Variants in FHIT observed in about 807,000 individuals in gnomAD.
The protein encoded by FHIT is bis(5'-adenosyl)-triphosphatase.
FHIT carries 19 observed loss-of-function variants against 17.9 expected under a neutral mutation model. That is an observed-to-expected ratio of 1.06 (90% CI 0.74 to 1.56). The LOEUF is 1.56. FHIT is among the 40% of genes most tolerant of loss of function. The pLI is 0.00. For missense variants in FHIT, 248 were observed against 189.2 expected (o/e 1.31, Z -1.82); for synonymous variants, 81 against 69.7 (o/e 1.16, Z -0.81).
At chr3:61,151,335 G>T (rs1194179437) in intron 2 of FHIT, among the ~76,000 whole-genome samples, 1 of 152,172 alleles carries the variant, frequency 6.6e-6, no homozygotes, top group Non-Finnish European at 1.5e-5. Flanking sequence ...ACCCTTTTAA[G>T]TAAGTCCCAC....
chr3:60,463,718 C>CA (rs1174544323), intron 5 of FHIT, among the ~76,000 whole-genome samples: 2 of 152,054 alleles, frequency 1.3e-5, no homozygotes, highest in African/African-American at 4.8e-5. Flanking sequence ...GGTTTCCAAT[C>CA]AAAAAAACTT....
chr3:60,350,274 A>G (rs753067675), intron 5 of FHIT, among the ~76,000 whole-genome samples: 3 of 152,134 alleles, frequency 2.0e-5, no homozygotes, highest in Non-Finnish European at 4.4e-5. Context: ...GTAATAGTGT[A>G]CATGTGTACT....
At chr3:61,216,236 C>T (rs1157398736) in intron 1 of FHIT, among the ~76,000 whole-genome samples, 42 of 152,136 alleles carry the variant, frequency 2.8e-4, no homozygotes, top group Admixed American at 2.7e-3. Context: ...ATGTTTGCAA[C>T]CTACTCATTT....
chr3:60,520,428 T>C (rs1466091858), intron 5 of FHIT, among the ~76,000 whole-genome samples: 1 of 152,182 alleles, frequency 6.6e-6, no homozygotes, highest in Non-Finnish European at 1.5e-5. Flanking sequence ...GTACGGATTA[T>C]ATCAGGAGGC....
intron 5 of FHIT, among the ~76,000 whole-genome samples, chr3:60,117,995 T>C (rs1705054671): frequency 6.6e-6 from 1 of 152,198 alleles, no homozygotes; most frequent in Non-Finnish European, 1.5e-5. Flanking sequence ...CTGACCTCCA[T>C]TCTTGCAAAA....
At chr3:60,628,104 A>G (rs2039341351) in intron 4 of FHIT, among the ~76,000 whole-genome samples, 1 of 152,178 alleles carries the variant, frequency 6.6e-6, no homozygotes, top group Non-Finnish European at 1.5e-5. Context: ...TTTCCCTCAA[A>G]GCCCTGTTTT....
At chr3:59,902,834 C>A (rs570947250) in intron 8 of FHIT, among the ~76,000 whole-genome samples, 16 of 152,162 alleles carry the variant, frequency 1.1e-4, no homozygotes, top group Admixed American at 2.6e-4. Context: ...TACAAACTTT[C>A]AGTTATAAGA....
At chr3:60,158,905 T>C (rs951708915) in intron 5 of FHIT, among the ~76,000 whole-genome samples, 3 of 152,106 alleles carry the variant, frequency 2.0e-5, no homozygotes, top group Non-Finnish European at 4.4e-5. Flanking sequence ...AGATATGCTA[T>C]GGTTCTCTGT....
intron 4 of FHIT, among the ~76,000 whole-genome samples, chr3:60,582,188 C>T (rs1010823420): frequency 6.6e-6 from 1 of 151,942 alleles, no homozygotes; most frequent in East Asian, 1.9e-4. Flanking sequence ...ACCGAGACAT[C>T]AGGATATTTT....
At chr3:59,947,088 T>A (rs1317884024) in intron 7 of FHIT, among the ~76,000 whole-genome samples, 1 of 152,230 alleles carries the variant, frequency 6.6e-6, no homozygotes, top group Non-Finnish European at 1.5e-5. Context: ...GTGGGAATAG[T>A]ACCAGCTCCT....
At chr3:61,172,681 A>T (rs1437672843) in intron 2 of FHIT, among the ~76,000 whole-genome samples, 1 of 144,772 alleles carries the variant, frequency 6.9e-6, no homozygotes, top group Non-Finnish European at 1.6e-5. Context: ...ACTATGTCCA[A>T]ACACTTTCTG....
chr3:60,380,313 T>A (rs1220601241), intron 5 of FHIT, among the ~76,000 whole-genome samples: 1 of 152,146 alleles, frequency 6.6e-6, no homozygotes, highest in East Asian at 1.9e-4. Flanking sequence ...TGCCATGGGA[T>A]CTCCCAGCTC....
intron 5 of FHIT, among the ~76,000 whole-genome samples, chr3:60,150,212 G>T: frequency 6.6e-6 from 1 of 152,008 alleles, no homozygotes; most frequent in African/African-American, 2.4e-5. Context: ...GGTCAGGCTG[G>T]TCTCGAGCTC....
chr3:59,826,885 C>T (rs1357268916), intron 8 of FHIT, among the ~76,000 whole-genome samples: 1 of 152,194 alleles, frequency 6.6e-6, no homozygotes. Flanking sequence ...TTCCACTTGG[C>T]AAATAATTAG....
At chr3:60,746,372 A>G (rs17063904) in intron 4 of FHIT, among the ~76,000 whole-genome samples, 19,301 of 152,238 alleles carry the variant, frequency 0.13, 1,522 homozygotes, top group African/African-American at 0.21. Flanking sequence ...CTGGATGAAC[A>G]CATTTATTTT....
In FHIT at chr3:60,982,107, T is replaced by C. The variant is rs145248907; in HGVS notation, c.-111+59940A>G. ...ATTCTGCACAAAGCAGCAAGAGGGA[T>C]CTTGTAAAAAGACTAAATGGATCAT... is the stretch of plus-strand genomic sequence containing the variant. On this transcript the variant is annotated intron_variant, in intron 3 of 9. Coordinates refer to ENST00000492590, the MANE Select transcript of FHIT (RefSeq NM_002012.4). Among the ~76,000 whole-genome samples the C allele has an allele frequency of 6.6e-5, 10 of 152,310 alleles. No homozygotes were observed. In the East Asian group the frequency reaches 1.9e-3, roughly 29 times the overall value.
chr3:60,438,456 A>C (rs2030479721), intron 5 of FHIT, among the ~76,000 whole-genome samples: 1 of 151,904 alleles, frequency 6.6e-6, no homozygotes, highest in Non-Finnish European at 1.5e-5. Flanking sequence ...CATCCTTACA[A>C]GCAGCCCACC....
chr3:60,957,331 G>A (rs1181630018), intron 3 of FHIT, among the ~76,000 whole-genome samples: 3 of 146,644 alleles, frequency 2.0e-5, no homozygotes, highest in African/African-American at 2.5e-5. Context: ...TCCGCCTCCC[G>A]GGTTCAAGCG....
At chr3:60,688,851 T>C (rs143754714) in intron 4 of FHIT, among the ~76,000 whole-genome samples, 1 of 152,308 alleles carries the variant, frequency 6.6e-6, no homozygotes, top group African/African-American at 2.4e-5. Context: ...GTTTATGCTT[T>C]ACTCTTTTTT....
Sources: gnomAD v4.1 joint callset for allele counts (sites outside exome capture counted in the v4.1 genomes callset) on GRCh38, gnomAD v4.1.1 for gene constraint, MANE v1.5 for transcripts, NCBI Gene and HGNC (gene_info 2026-07-23, HGNC 2026-07-21) for gene names.